Variants in LRP1B observed in about 807,000 individuals in gnomAD.
The protein encoded by LRP1B is LDL receptor related protein 1B, also known as low-density lipoprotein receptor-related protein 1B.
LRP1B carries 217 observed loss-of-function variants against 556.6 expected under a neutral mutation model. The observed-to-expected ratio is 0.39, with a 90% CI of 0.35 to 0.44. The LOEUF is 0.44. Ranked by LOEUF, LRP1B falls within the 20% of genes least tolerant of loss-of-function variation. LRP1B has a pLI of 1.00. For synonymous variants in LRP1B, 2,047 were observed against 1,865.8 expected (o/e 1.10, Z -2.50); for missense variants, 5,053 against 5,620.8 (o/e 0.90, Z 3.23).
chr2:140,860,489 A>G (rs1026318269), intron 27 of LRP1B, among the ~76,000 whole-genome samples: 3 of 152,198 alleles, frequency 2.0e-5, no homozygotes, highest in Admixed American at 6.5e-5. Context: ...GTAAACTAAA[A>G]TGTTCCTGCA....
chr2:140,655,689 T>A (rs1684852872), intron 41 of LRP1B, among the ~76,000 whole-genome samples: 1 of 152,174 alleles, frequency 6.6e-6, no homozygotes, highest in Non-Finnish European at 1.5e-5. Context: ...ACGCCTGCAA[T>A]CCCAGCACTT....
chr2:142,118,478 G>C (rs1707350335), intron 1 of LRP1B, among the ~76,000 whole-genome samples: 1 of 152,040 alleles, frequency 6.6e-6, no homozygotes, highest in South Asian at 2.1e-4. Context: ...TGTTCCAACG[G>C]GTCAACATTT....
chr2:141,930,795 T>C (rs1257877596), intron 1 of LRP1B, among the ~76,000 whole-genome samples: 1 of 152,172 alleles, frequency 6.6e-6, no homozygotes, highest in African/African-American at 2.4e-5. Context: ...ACTTTAGAGA[T>C]AAGAAAATTG....
At chr2:140,789,004 G>A (rs1016017953) in intron 32 of LRP1B, among the ~76,000 whole-genome samples, 5 of 152,098 alleles carry the variant, frequency 3.3e-5, no homozygotes, top group African/African-American at 4.8e-5. Context: ...CTAACACCTT[G>A]ATTTCGGATT....
intron 2 of LRP1B, among the ~76,000 whole-genome samples, chr2:141,774,350 G>A (rs1312892280): frequency 6.6e-6 from 1 of 152,098 alleles, no homozygotes; most frequent in Non-Finnish European, 1.5e-5. Context: ...CATGATAGAA[G>A]GTGAAGAGGA....
At chr2:140,513,064 C>A (rs1689732650) in intron 51 of LRP1B, among the ~76,000 whole-genome samples, 1 of 151,812 alleles carries the variant, frequency 6.6e-6, no homozygotes, top group African/African-American at 2.4e-5. Context: ...AATACTTCGA[C>A]AAAGAAAGGA....
At chr2:141,362,247 G>T (rs77508744) in intron 3 of LRP1B, among the ~76,000 whole-genome samples, 47 of 152,254 alleles carry the variant, frequency 3.1e-4, no homozygotes, top group African/African-American at 1.1e-3. Flanking sequence ...ACTTGTTTTG[G>T]TCCTATTAAT....
intron 32 of LRP1B, among the ~76,000 whole-genome samples, chr2:140,807,088 A>G (rs920641198): frequency 6.6e-6 from 1 of 152,234 alleles, no homozygotes; most frequent in African/African-American, 2.4e-5. Context: ...AAAACTGAAC[A>G]GTGACTTGAT....
At chr2:140,782,526 C>A (rs1689735776) in intron 32 of LRP1B, among the ~76,000 whole-genome samples, 1 of 152,108 alleles carries the variant, frequency 6.6e-6, no homozygotes, top group South Asian at 2.1e-4. Context: ...TCTCAGACCT[C>A]TCGCCTCCAG....
chr2:140,613,225 AAT>A (rs547207258), intron 41 of LRP1B, among the ~76,000 whole-genome samples: 4 of 144,760 alleles, frequency 2.8e-5, no homozygotes, highest in African/African-American at 7.5e-5. Flanking sequence ...GCATTATATA[AAT>A]ATATATATAT....
At chr2:141,330,814 G>A (rs1687612143) in intron 3 of LRP1B, among the ~76,000 whole-genome samples, 1 of 144,794 alleles carries the variant, frequency 6.9e-6, no homozygotes, top group Admixed American at 7.1e-5. Flanking sequence ...GTGCAGTGGT[G>A]CCATCTCGGC....
rs1689586776 is a variant in LRP1B at position 140,510,030 on chromosome 2, A to C, written c.8296T>G (p.Phe2766Val). 6.2e-7 allele frequency: 1 copy of C among 1,613,798 alleles called. No individual in the cohort carries two copies. Among genetic ancestry groups the C allele is most frequent in the South Asian group, 1.1e-5 (1 of 91,070 alleles). The change falls in exon 52 of 91, where the codon TTC becomes GTC. Residue 2766 changes from phenylalanine (F) to valine (V), a missense_variant. Around this residue, in one of 5 missense-constraint regions of LRP1B, gnomAD observed 3,619 missense variants for 3,931.9 expected, o/e 0.92. Coordinates refer to ENST00000389484, the MANE Select transcript of LRP1B (RefSeq NM_018557.3). ...CGAITCAADMFSCQGSRACVP... is the reference protein window; with the variant it reads ...CGAITCAADMVSCQGSRACVP... ...CAGGCACGAGAGCCCTGGCAGCTGA[A>C]CATGTCAGCAGCACAGGTTATGGCA...
chr2:141,061,421 A>G (rs1699331386), intron 8 of LRP1B, among the ~76,000 whole-genome samples: 1 of 151,814 alleles, frequency 6.6e-6, no homozygotes, highest in Non-Finnish European at 1.5e-5. Context: ...AATATATTAT[A>G]GTAAATAAGG....
At chr2:141,951,553 G>T (rs1002778991) in intron 1 of LRP1B, among the ~76,000 whole-genome samples, 2 of 152,214 alleles carry the variant, frequency 1.3e-5, no homozygotes, top group East Asian at 3.9e-4. Flanking sequence ...ATTTGATTAT[G>T]TTTTATACAG....
chr2:141,538,768 A>G (rs1409522490), intron 2 of LRP1B, among the ~76,000 whole-genome samples: 1 of 151,918 alleles, frequency 6.6e-6, no homozygotes, highest in Non-Finnish European at 1.5e-5. Flanking sequence ...CCTCCCAAGT[A>G]GCTGGGATTA....
rs1309174722 is a variant in LRP1B, at chr2:141,442,772, T to C, written c.343+37624A>G. Among the ~76,000 whole-genome samples the C allele has an allele frequency of 4.6e-5, 7 of 152,344 alleles. No individual in the cohort carries two copies. In the East Asian group the frequency reaches 1.3e-3, roughly 29 times the overall value. The stretch of plus-strand genomic sequence containing the variant: ...AAGTACATGAACACATCCTTCTTTA[T>C]GGCTACATCGTATTCCATGGTGTAT... On this transcript the variant is annotated intron_variant, in intron 3 of 90. Transcript: ENST00000389484.
intron 51 of LRP1B, among the ~76,000 whole-genome samples, chr2:140,511,319 T>TTTTTTTTTTTG (rs1553477418): frequency 6.9e-6 from 1 of 145,804 alleles, no homozygotes; most frequent in African/African-American, 2.6e-5. Flanking sequence ...TTTTTTTTTT[T>TTTTTTTTTTTG]GAGACGGAGT....
intron 41 of LRP1B, among the ~76,000 whole-genome samples, chr2:140,690,570 T>A (rs1194264626): frequency 6.6e-6 from 1 of 152,224 alleles, no homozygotes; most frequent in Non-Finnish European, 1.5e-5. Flanking sequence ...TCTTTTGAGA[T>A]AGACTCAGGA....
At chr2:142,099,260 C>T (rs1244502776) in intron 1 of LRP1B, among the ~76,000 whole-genome samples, 1 of 151,848 alleles carries the variant, frequency 6.6e-6, no homozygotes, top group Non-Finnish European at 1.5e-5. Flanking sequence ...ACATTCTTCC[C>T]TTGGTGGCCA....
Sources: allele counts gnomAD v4.1 joint callset (sites outside exome capture counted in the v4.1 genomes callset), GRCh38; gene constraint gnomAD v4.1.1; regional missense constraint gnomAD v4.1.1; transcripts MANE v1.5; gene names NCBI Gene and HGNC (gene_info 2026-07-23, HGNC 2026-07-21).